RNF217: variants seen among roughly 807,000 people sequenced by gnomAD.
RNF217 encodes the protein E3 ubiquitin-protein ligase RNF217.
RNF217 carries 31 observed loss-of-function variants against 57.8 expected under a neutral mutation model. The ratio of observed to expected loss-of-function variants is 0.54; its 90% CI spans 0.40 to 0.72. RNF217 has a LOEUF of 0.72. Among genes scored for constraint, RNF217 ranks in the 30% least tolerant of loss-of-function variants. The pLI is 0.00. For synonymous variants in RNF217, 313 were observed against 294.0 expected, an observed-to-expected ratio of 1.06 and a Z score of -0.66; for missense variants, 696 against 708.3, an observed-to-expected ratio of 0.98 and a Z score of 0.20.
At position 125,088,798 on chromosome 6, in the gene RNF217, A is replaced by T. The variant is rs893627890; in HGVS notation, c.*5861A>T. ...ATTATTCAGACTTACTAAGATAAAA[A>T]ATACTTTTTTTCAGTTCTGTGCTAT... On this transcript the variant is annotated 3_prime_UTR_variant, in exon 6 of 6. Transcript: ENST00000521654. 39 of 152,620 alleles carry T rather than the reference A, an allele frequency of 2.6e-4. No individual in the cohort carries two copies. The highest frequency in any genetic ancestry group is 8.9e-4 in the African/African-American group (37 of 41,570). The allele number at this position is 152,620 out of a possible 1,614,324, so 9.5% of individuals were successfully genotyped here. A position where few individuals can be genotyped will look rare whatever the true frequency, so the allele number is the denominator to read the frequency against.
At chr6:124,992,052 T>C (rs1784580875) in intron 1 of RNF217, among the ~76,000 whole-genome samples, 1 of 152,172 alleles carries the variant, frequency 6.6e-6, no homozygotes, top group Non-Finnish European at 1.5e-5. Flanking sequence ...GCCCTGGGGA[T>C]CTTGTTAACA....
At position 124,995,690 on chromosome 6, in the gene RNF217, G is replaced by A. The variant is rs543837838; in HGVS notation, c.882+32264G>A. ...TAATCCCAGCACTTTGGGAGGTCGA[G>A]GTGGGTGGATCACCTGAGGTCAGGA... On this transcript the variant is annotated intron_variant, in intron 1 of 5. Transcript: ENST00000521654. Among the ~76,000 whole-genome samples, 20 of 152,258 alleles carry A rather than the reference G, an allele frequency of 1.3e-4. No homozygotes were observed. The South Asian group carries it at 4.2e-3, about 32-fold the overall frequency.
rs1447259837 is a variant in RNF217, at chr6:124,963,436, C to T, written c.882+10C>T. ...CTACCTGAGCGCCCAGGTAACTTCA[C>T]CCCCTTCTCTTCCCCATTTATCATT... On this transcript the variant is annotated intron_variant, in intron 1 of 5. Coordinates refer to ENST00000521654, the MANE Select transcript of RNF217 (RefSeq NM_001286398.3). 6.9e-7 allele frequency: 1 copy of T among 1,450,042 alleles called. No homozygotes were observed. The highest frequency in any genetic ancestry group is 2.6e-5 in the Admixed American group (1 of 37,924). 89.8% of individuals were successfully genotyped at this position (1,450,042 alleles called of 1,614,324 possible). A position where few individuals can be genotyped will look rare whatever the true frequency, so the allele number is the denominator to read the frequency against.
intron 3 of RNF217, 63 bp from the exon 4 acceptor site, chr6:125,076,594 C>A: frequency 3.3e-6 from 4 of 1,201,422 alleles, no homozygotes; most frequent in South Asian, 1.2e-5. Context: ...ATAAAATTTG[C>A]GATTTTGCTT....
chr6:124,962,909 A>G lies in RNF217; in HGVS notation c.365A>G (p.Asp122Gly), dbSNP rs1275831605. The G allele has an allele frequency of 1.9e-6, 3 of 1,597,852 alleles. No individual in the cohort carries two copies. The highest frequency in any genetic ancestry group is 2.5e-6 in the Non-Finnish European group (3 of 1,179,594). Residue 122 changes from aspartate (D) to glycine (G), a missense_variant, in exon 1 of 6, where the codon GAT becomes GGT. Asp to Gly is a moderately conservative substitution (Grantham distance 94, BLOSUM62 -1). This residue lies in a region of RNF217 where 465 missense variants were observed against 386.8 expected (regional missense o/e 1.20). Coordinates refer to ENST00000521654, the MANE Select transcript of RNF217 (RefSeq NM_001286398.3). This position sits in a 1 kb window ranked among gnomAD's most constrained non-coding sequence, Gnocchi z 4.6. Reference sequence around the variant, plus strand: ...GCTGGGGATCGAAAAGAGGGAGGGGATGAACAGCAGGAGGCGCCCCCCGGC... The same window carrying G: ...GCTGGGGATCGAAAAGAGGGAGGGGGTGAACAGCAGGAGGCGCCCCCCGGC... ...EEAGDRKEGGDEQQEAPPGEE... is the reference protein window; with the variant it reads ...EEAGDRKEGGGEQQEAPPGEE...
chr6:125,005,229 A>G (rs192300764), intron 1 of RNF217, among the ~76,000 whole-genome samples: 1 of 152,354 alleles, frequency 6.6e-6, no homozygotes, highest in Admixed American at 6.5e-5. Flanking sequence ...GTTTATAACT[A>G]CTATGGAAAG....
intron 1 of RNF217, among the ~76,000 whole-genome samples, chr6:125,043,376 GA>G (rs1786961546): frequency 6.6e-6 from 1 of 151,758 alleles, no homozygotes; most frequent in Non-Finnish European, 1.5e-5. Context: ...CTTCTTCCAA[GA>G]AACCTCTTCT....
chr6:125,053,792 T>A (rs947025314), intron 2 of RNF217, among the ~76,000 whole-genome samples: 1 of 152,008 alleles, frequency 6.6e-6, no homozygotes, highest in African/African-American at 2.4e-5. Context: ...CTTTTGTGAG[T>A]TCTGGAGAAA....
At chr6:124,996,654 G>C (rs1784764797) in intron 1 of RNF217, 1 of 152,140 alleles carries the variant, frequency 6.6e-6, no homozygotes, top group African/African-American at 2.4e-5. Flanking sequence ...AGCATATACA[G>C]TGTGAGCATA....
In RNF217 at chr6:125,091,820, T is replaced by A. The variant is rs1387084427; in HGVS notation, c.*8883T>A. 6.6e-6 allele frequency: 1 copy of A among 152,198 alleles called. No individual in the cohort carries two copies. The highest frequency in any genetic ancestry group is 1.5e-5 in the Non-Finnish European group (1 of 68,014). The allele number at this position is 152,198 out of a possible 1,614,324, so 9.4% of individuals were successfully genotyped here. ...CTAGAGAACCATGGTGTCTGCTATTTACATGTTATTTGTTCCCAGTGAGCT... is the reference window on the plus strand; with the variant it reads ...CTAGAGAACCATGGTGTCTGCTATTAACATGTTATTTGTTCCCAGTGAGCT... On this transcript the variant is annotated 3_prime_UTR_variant, in exon 6 of 6. Transcript: ENST00000521654.
chr6:125,052,165 C>T (rs1167198861), intron 2 of RNF217, among the ~76,000 whole-genome samples: 1 of 151,874 alleles, frequency 6.6e-6, no homozygotes, highest in Non-Finnish European at 1.5e-5. Context: ...GAGGTGAATG[C>T]ATTGTGCAAT....
chr6:125,011,682 A>C (rs1268365426), intron 1 of RNF217, among the ~76,000 whole-genome samples: 1 of 152,172 alleles, frequency 6.6e-6, no homozygotes, highest in Admixed American at 6.5e-5. Context: ...GTCAGGTTCT[A>C]AAAAAGTCAC....
chr6:125,042,318 A>G (rs1185763334), intron 1 of RNF217, among the ~76,000 whole-genome samples: 4 of 152,094 alleles, frequency 2.6e-5, no homozygotes, highest in South Asian at 4.1e-4. Flanking sequence ...GGAATGCTCA[A>G]CAGACACTTT....
At chr6:125,042,830 A>G (rs1373937959) in intron 1 of RNF217, among the ~76,000 whole-genome samples, 1 of 151,990 alleles carries the variant, frequency 6.6e-6, no homozygotes, top group Non-Finnish European at 1.5e-5. Flanking sequence ...TCATTTACAT[A>G]GTTAAAATAA....
At chr6:124,989,130 T>C (rs933178833) in intron 1 of RNF217, among the ~76,000 whole-genome samples, 3 of 152,084 alleles carry the variant, frequency 2.0e-5, no homozygotes, top group Non-Finnish European at 2.9e-5. Context: ...TTACATTTTG[T>C]GAAGTTCTGT....
intron 1 of RNF217, among the ~76,000 whole-genome samples, chr6:125,037,991 A>C (rs1343083510): frequency 2.0e-5 from 3 of 152,096 alleles, no homozygotes; most frequent in African/African-American, 7.2e-5. Flanking sequence ...TTTTCTTTGG[A>C]GAGTTTAATT....
intron 1 of RNF217, among the ~76,000 whole-genome samples, chr6:125,016,889 T>C (rs1785633790): frequency 2.0e-5 from 3 of 152,030 alleles, no homozygotes; most frequent in Admixed American, 2.0e-4. Flanking sequence ...TATCCAACAA[T>C]CCTGCACGTT....
intron 1 of RNF217, among the ~76,000 whole-genome samples, chr6:125,015,673 C>A (rs1785574736): frequency 6.6e-6 from 1 of 151,842 alleles, no homozygotes; most frequent in Non-Finnish European, 1.5e-5. Context: ...AGTATATTTT[C>A]TCTATTTTCT....
intron 1 of RNF217, among the ~76,000 whole-genome samples, chr6:125,015,885 A>G (rs914635734): frequency 6.6e-6 from 1 of 152,176 alleles, no homozygotes; most frequent in Non-Finnish European, 1.5e-5. Context: ...TGGTATATTC[A>G]TAGGATAGAA....
Sources: allele counts gnomAD v4.1 joint callset (sites outside exome capture counted in the v4.1 genomes callset), GRCh38; gene constraint gnomAD v4.1.1; regional missense constraint gnomAD v4.1.1; non-coding constraint Gnocchi (gnomAD v3.1); transcripts MANE v1.5; gene names NCBI Gene and HGNC (gene_info 2026-07-23, HGNC 2026-07-21).